Variants in HDAC9 observed in about 807,000 individuals in gnomAD.
HDAC9 encodes MEF-2 interacting transcription repressor (MITR) protein.
In HDAC9, 41 loss-of-function variants were observed where a neutral mutation model predicts 139.4. The ratio of observed to expected loss-of-function variants is 0.29; its 90% CI spans 0.23 to 0.38. The LOEUF (loss-of-function observed/expected upper bound fraction) is 0.38, where lower values mean the gene tolerates loss of function less well. Ranked by LOEUF, HDAC9 falls within the 10% of genes least tolerant of loss-of-function variation. HDAC9 has a pLI of 1.00. For missense variants in HDAC9, 1,147 were observed against 1,297.0 expected (o/e 0.88, Z 1.78); for synonymous variants, 517 against 476.2 (o/e 1.09, Z -1.12).
chr7:18,281,778 A>C (rs908237868), intron 2 of HDAC9, among the ~76,000 whole-genome samples: 4 of 152,182 alleles, frequency 2.6e-5, no homozygotes, highest in Non-Finnish European at 4.4e-5. Flanking sequence ...AGAAAATAAC[A>C]TTTCAAGGTT....
intron 14 of HDAC9, among the ~76,000 whole-genome samples, chr7:18,751,534 C>T (rs1014810384): frequency 3.3e-5 from 5 of 152,002 alleles, no homozygotes; most frequent in South Asian, 2.1e-4. Context: ...CCCATATTAG[C>T]GAAGAAAGTA....
At chr7:18,614,539 A>T (rs1838066882) in intron 6 of HDAC9, among the ~76,000 whole-genome samples, 1 of 152,140 alleles carries the variant, frequency 6.6e-6, no homozygotes, top group African/African-American at 2.4e-5. Flanking sequence ...TAAACGTTGC[A>T]CAGAGTAAGT....
intron 14 of HDAC9, among the ~76,000 whole-genome samples, chr7:18,756,975 A>G (rs1788936763): frequency 6.6e-6 from 1 of 151,920 alleles, no homozygotes. Context: ...GTTAAAAACC[A>G]TTTCTTACGT....
chr7:18,127,986 C>G (rs936116518), intron 1 of HDAC9, among the ~76,000 whole-genome samples: 3 of 152,100 alleles, frequency 2.0e-5, no homozygotes, highest in African/African-American at 7.2e-5. Flanking sequence ...TATATTTTCA[C>G]TTAGTAAAAG....
chr7:18,270,298 C>A (rs302179), intron 2 of HDAC9, among the ~76,000 whole-genome samples: 117,972 of 149,850 alleles, frequency 0.79, 46,370 homozygotes, highest in South Asian at 0.88. Context: ...AGAAATTAAA[C>A]AAAAAAAAAA....
chr7:18,106,505 T>G (rs1584075906), intron 1 of HDAC9, among the ~76,000 whole-genome samples: 2 of 152,076 alleles, frequency 1.3e-5, no homozygotes, highest in African/African-American at 4.8e-5. Flanking sequence ...CAGGCTGGAG[T>G]GCAGTGGTGC....
At chr7:18,092,990 G>A (rs573640824) in intron 1 of HDAC9, among the ~76,000 whole-genome samples, 114 of 152,256 alleles carry the variant, frequency 7.5e-4, no homozygotes, top group Non-Finnish European at 1.3e-3. Context: ...TGACTTGGAG[G>A]CCTGCAGTGT....
chr7:18,766,786 T>C (rs1789866556), intron 15 of HDAC9, among the ~76,000 whole-genome samples: 2 of 152,192 alleles, frequency 1.3e-5, no homozygotes, highest in East Asian at 3.8e-4. Context: ...TAATGTATAA[T>C]ATAGACATGG....
chr7:18,488,670 G>T (rs954412812), intron 1 of HDAC9, among the ~76,000 whole-genome samples: 3 of 151,912 alleles, frequency 2.0e-5, no homozygotes, highest in Non-Finnish European at 2.9e-5. Flanking sequence ...TGACTACAAG[G>T]TTACTAGTAG....
chr7:18,363,762 A>T (rs577150975), intron 1 of HDAC9, among the ~76,000 whole-genome samples: 4 of 152,196 alleles, frequency 2.6e-5, no homozygotes, highest in Non-Finnish European at 5.9e-5. Flanking sequence ...GGACATTACC[A>T]GGTGCCTCCT....
intron 1 of HDAC9, among the ~76,000 whole-genome samples, chr7:18,404,828 A>C (rs566588602): frequency 3.0e-4 from 46 of 152,356 alleles, no homozygotes; most frequent in Non-Finnish European, 6.0e-4. Context: ...TATATGTAGA[A>C]ATGTATAAAA....
chr7:18,341,730 A>G (rs1782029917), intron 1 of HDAC9, among the ~76,000 whole-genome samples: 1 of 151,598 alleles, frequency 6.6e-6, no homozygotes, highest in South Asian at 2.1e-4. Flanking sequence ...ATTTTGATTG[A>G]TTAATTTTTC....
intron 17 of HDAC9, 111 bp downstream of exon 17, chr7:18,793,563 A>G: frequency 1.3e-6 from 1 of 752,944 alleles, no homozygotes; most frequent in Non-Finnish European, 2.3e-6. Context: ...GGAAGGGCAG[A>G]AGGAAGAGGG....
chr7:18,571,594 TG>T (rs1425242703), intron 2 of HDAC9, among the ~76,000 whole-genome samples: 1 of 152,132 alleles, frequency 6.6e-6, no homozygotes, highest in Non-Finnish European at 1.5e-5. Flanking sequence ...GGAGTTTCAG[TG>T]GGGCTTTAAA....
intron 14 of HDAC9, among the ~76,000 whole-genome samples, chr7:18,753,165 G>A (rs180858410): frequency 6.6e-6 from 1 of 152,186 alleles, no homozygotes; most frequent in Non-Finnish European, 1.5e-5. Context: ...GTGATCAGCA[G>A]GCATTAATTA....
chr7:18,759,441 T>C (rs1789177162), intron 14 of HDAC9, among the ~76,000 whole-genome samples: 1 of 151,794 alleles, frequency 6.6e-6, no homozygotes, highest in African/African-American at 2.4e-5. Flanking sequence ...GGTTGAGCGC[T>C]CCTTATGAGG....
intron 21 of HDAC9, among the ~76,000 whole-genome samples, chr7:18,853,477 T>A (rs1487392617): frequency 3.9e-5 from 6 of 152,194 alleles, no homozygotes; most frequent in Non-Finnish European, 8.8e-5. Flanking sequence ...TGTTCTGTAA[T>A]TTAGAATATT....
At chr7:18,642,636 A>G (rs79250239) in intron 8 of HDAC9, among the ~76,000 whole-genome samples, 3,537 of 152,190 alleles carry the variant, frequency 0.023, 104 homozygotes, top group African/African-American at 0.073. Context: ...GCCAGAGGAA[A>G]TGGAGCCACT....
chr7:18,968,883 C>G (rs375687484), intron 24 of HDAC9, among the ~76,000 whole-genome samples: 239 of 134,168 alleles, frequency 1.8e-3, no homozygotes, highest in African/African-American at 6.4e-3. Context: ...GGTGTGAACC[C>G]GGGAGGCAGA....
Sources: gnomAD v4.1 joint callset for allele counts (sites outside exome capture counted in the v4.1 genomes callset) on GRCh38, gnomAD v4.1.1 for gene constraint, MANE v1.5 for transcripts, NCBI Gene and HGNC (gene_info 2026-07-23, HGNC 2026-07-21) for gene names.